PARD3B: variants seen among roughly 807,000 people sequenced by gnomAD.
PARD3B encodes partitioning defective 3 homolog B.
Under a neutral mutation model 130.2 loss-of-function variants are expected in PARD3B, and 103 were observed. The observed-to-expected ratio is 0.79, with a 90% CI of 0.67 to 0.93. The LOEUF is 0.93. PARD3B is among the 40% of genes least tolerant of loss of function. PARD3B has a pLI of 0.00. For missense variants in PARD3B, 1,609 were observed against 1,499.2 expected (o/e 1.07, Z -1.21); for synonymous variants, 583 against 553.2 (o/e 1.05, Z -0.76).
In PARD3B at chr2:205,550,169, T is replaced by TTC. The variant is rs2052556063; in HGVS notation, c.3181-3153_3181-3152dup. On this transcript the variant is annotated intron_variant, in intron 21 of 22. Coordinates refer to ENST00000406610, the MANE Select transcript of PARD3B (RefSeq NM_001302769.2). This position sits in a 1 kb window ranked among gnomAD's most constrained non-coding sequence, Gnocchi z 4.5. Reference sequence around the variant, plus strand: ...GGCTTATCCTACTACTCCTACACCCTTCTGCCCCAGAAAAACTCCTCCTCA... The same window carrying TTC: ...GGCTTATCCTACTACTCCTACACCCTTCTCTGCCCCAGAAAAACTCCTCCTCA... Among the ~76,000 whole-genome samples, 1 of 152,144 alleles carries TTC rather than the reference T, an allele frequency of 6.6e-6. No individual in the cohort carries two copies. Among genetic ancestry groups the TTC allele is most frequent in the Non-Finnish European group, 1.5e-5 (1 of 68,028 alleles).
intron 1 of PARD3B, among the ~76,000 whole-genome samples, chr2:204,654,249 C>T (rs1056423940): frequency 6.6e-6 from 1 of 151,156 alleles, no homozygotes; most frequent in African/African-American, 2.5e-5. Flanking sequence ...GATGATTTAT[C>T]CAGGCTGAGG....
intron 2 of PARD3B, among the ~76,000 whole-genome samples, chr2:204,917,774 CTA>C (rs968250889): frequency 6.0e-4 from 92 of 152,152 alleles, no homozygotes; most frequent in African/African-American, 2.1e-3. Flanking sequence ...CAAATAAAAA[CTA>C]ATTGTTTTAG....
At chr2:205,546,322 T>C (rs1362122971) in intron 21 of PARD3B, among the ~76,000 whole-genome samples, 1 of 152,212 alleles carries the variant, frequency 6.6e-6, no homozygotes, top group African/African-American at 2.4e-5. Flanking sequence ...GTTCTAACGT[T>C]ACACTGTTGT....
intron 10 of PARD3B, among the ~76,000 whole-genome samples, chr2:205,155,689 C>T (rs1184131375): frequency 1.3e-5 from 2 of 152,126 alleles, no homozygotes; most frequent in African/African-American, 2.4e-5. Context: ...CCTATTTCTC[C>T]ACATCCTCTC....
intron 22 of PARD3B, among the ~76,000 whole-genome samples, chr2:205,556,474 A>G (rs1229651326): frequency 6.6e-6 from 1 of 152,220 alleles, no homozygotes; most frequent in Non-Finnish European, 1.5e-5. Flanking sequence ...GCTAAATGAC[A>G]TTTCACGAAA....
intron 1 of PARD3B, among the ~76,000 whole-genome samples, chr2:204,557,213 G>C (rs1048337666): frequency 1.3e-5 from 2 of 152,022 alleles, no homozygotes; most frequent in East Asian, 3.9e-4. Flanking sequence ...ACTTGCTCCA[G>C]ATCCCAATAT....
At chr2:204,873,838 G>A (rs1196917308) in intron 2 of PARD3B, among the ~76,000 whole-genome samples, 1 of 152,006 alleles carries the variant, frequency 6.6e-6, no homozygotes, top group East Asian at 1.9e-4. Flanking sequence ...AAGAAGGGCA[G>A]ATAGGAATAA....
Position 205,473,913 on chromosome 2 carries a change from C to T in PARD3B, c.3045-25983C>T, listed in dbSNP as rs1399961670. Among the ~76,000 whole-genome samples the T allele has an allele frequency of 6.7e-6, 1 of 148,872 alleles. No individual in the cohort carries two copies. Among genetic ancestry groups the T allele is most frequent in the Non-Finnish European group, 1.5e-5 (1 of 67,564 alleles). Reference sequence around the variant, plus strand: ...GCTTGATCTTCAACCTCACTTATGTCCCCATGACAACCTTTCTTGCCATGT... The same window carrying T: ...GCTTGATCTTCAACCTCACTTATGTTCCCATGACAACCTTTCTTGCCATGT... On this transcript the variant is annotated intron_variant, in intron 20 of 22. Coordinates refer to ENST00000406610, the MANE Select transcript of PARD3B (RefSeq NM_001302769.2). This position sits in a 1 kb window ranked among gnomAD's most constrained non-coding sequence, Gnocchi z 4.9.
intron 19 of PARD3B, among the ~76,000 whole-genome samples, chr2:205,404,189 A>G (rs2106025436): frequency 6.6e-6 from 1 of 152,360 alleles, no homozygotes; most frequent in African/African-American, 2.4e-5. Context: ...AACCAACCGC[A>G]GATTGAAAAT....
chr2:204,654,872 A>G (rs761382462), intron 1 of PARD3B, among the ~76,000 whole-genome samples: 1 of 152,188 alleles, frequency 6.6e-6, no homozygotes, highest in Non-Finnish European at 1.5e-5. Context: ...TTTCTTAAAC[A>G]GTAGATGTTT....
intron 2 of PARD3B, among the ~76,000 whole-genome samples, chr2:204,856,170 A>G (rs2044929273): frequency 6.6e-6 from 1 of 152,132 alleles, no homozygotes; most frequent in Admixed American, 6.6e-5. Flanking sequence ...CCAACACTCT[A>G]CACAAAGGTT....
chr2:205,021,522 T>C lies in PARD3B; in HGVS notation c.395-26059T>C, dbSNP rs1336460894. ...CTGGTTGCAAAGTGGAACCAGAGTA[T>C]ATTGCAGTTTCACAAGCAGGAGGTA... On this transcript the variant is annotated intron_variant, in intron 3 of 22. Transcript: ENST00000406610. This position sits in a 1 kb window ranked among gnomAD's most constrained non-coding sequence, Gnocchi z 4.5. 1.3e-5 allele frequency among the ~76,000 whole-genome samples: 2 copies of C among 151,924 alleles called. No individual in the cohort carries two copies. Among genetic ancestry groups the C allele is most frequent in the Admixed American group, 1.3e-4 (2 of 15,220 alleles).
intron 16 of PARD3B, among the ~76,000 whole-genome samples, chr2:205,277,114 T>C (rs1002141034): frequency 4.6e-5 from 7 of 152,226 alleles, no homozygotes; most frequent in African/African-American, 1.7e-4. Context: ...GAAGGTTCCA[T>C]TTGCCAGACA....
chr2:205,273,495 A>G (rs145651931), intron 16 of PARD3B, among the ~76,000 whole-genome samples: 1 of 152,360 alleles, frequency 6.6e-6, no homozygotes, highest in African/African-American at 2.4e-5. Flanking sequence ...TCCTTCAGCA[A>G]AAGTATAAAG....
intron 3 of PARD3B, among the ~76,000 whole-genome samples, chr2:205,039,373 T>C (rs1453083200): frequency 6.6e-6 from 1 of 152,206 alleles, no homozygotes; most frequent in African/African-American, 2.4e-5. Context: ...CATGGGTTGA[T>C]GTTTTCCTCT....
At position 204,702,887 on chromosome 2, in the gene PARD3B, T is replaced by A. The variant is rs771431762; in HGVS notation, c.222+16605T>A. On this transcript the variant is annotated intron_variant, in intron 2 of 22. Transcript: ENST00000406610. ...CACCATGCCTGGCCAATAGAGTTAT[T>A]TGTTTTTTTTCTTGTTCAATTGTTT... Among the ~76,000 whole-genome samples the A allele has an allele frequency of 2.0e-5, 3 of 152,338 alleles. No homozygotes were observed. The East Asian group carries it at 5.8e-4, about 29-fold the overall frequency.
At chr2:204,807,308 A>C (rs534337089) in intron 2 of PARD3B, among the ~76,000 whole-genome samples, 2 of 152,288 alleles carry the variant, frequency 1.3e-5, no homozygotes, top group South Asian at 4.1e-4. Context: ...GTTTCACCTC[A>C]GTAAAAATGG....
intron 21 of PARD3B, among the ~76,000 whole-genome samples, chr2:205,528,649 A>C (rs909579071): frequency 6.6e-6 from 1 of 151,936 alleles, no homozygotes; most frequent in Non-Finnish European, 1.5e-5. Flanking sequence ...GTGCCACCAC[A>C]CCCAGCTAAT....
chr2:205,367,458 G>T (rs1235586627), intron 18 of PARD3B, among the ~76,000 whole-genome samples: 2 of 152,128 alleles, frequency 1.3e-5, no homozygotes, highest in African/African-American at 4.8e-5. Context: ...TTAAACTCCG[G>T]AATGGTTATC....
Sources: allele counts gnomAD v4.1 joint callset (sites outside exome capture counted in the v4.1 genomes callset), GRCh38; gene constraint gnomAD v4.1.1; non-coding constraint Gnocchi (gnomAD v3.1); transcripts MANE v1.5; gene names NCBI Gene and HGNC (gene_info 2026-07-23, HGNC 2026-07-21).